Variants in RIMS1 observed in about 807,000 individuals in gnomAD.
RIMS1 encodes the protein regulating synaptic membrane exocytosis protein 1.
RIMS1 carries 83 observed loss-of-function variants against 214.1 expected under a neutral mutation model. The ratio of observed to expected loss-of-function variants is 0.39; its 90% CI spans 0.32 to 0.47. RIMS1 has a LOEUF of 0.47. Ranked by LOEUF, RIMS1 falls within the 20% of genes least tolerant of loss-of-function variation. The pLI, the probability that RIMS1 is intolerant of heterozygous loss-of-function variation, is 0.99. For synonymous variants in RIMS1, 793 were observed against 786.8 expected, an observed-to-expected ratio of 1.01 and a Z score of -0.13; for missense variants, 2,050 against 2,161.8, an observed-to-expected ratio of 0.95 and a Z score of 1.03.
At chr6:71,995,602 T>C (rs1413770957) in intron 2 of RIMS1, among the ~76,000 whole-genome samples, 1 of 152,014 alleles carries the variant, frequency 6.6e-6, no homozygotes, top group East Asian at 1.9e-4. Flanking sequence ...CAAAAGCTCA[T>C]AGACTCAGTG....
At chr6:72,052,152 G>T (rs1359975487) in intron 2 of RIMS1, among the ~76,000 whole-genome samples, 1 of 152,216 alleles carries the variant, frequency 6.6e-6, no homozygotes, top group East Asian at 1.9e-4. Flanking sequence ...TTTCTCAAAT[G>T]AAATGTTGAT....
intron 9 of RIMS1, among the ~76,000 whole-genome samples, chr6:72,239,629 A>T (rs934231262): frequency 3.9e-5 from 6 of 152,202 alleles, no homozygotes; most frequent in African/African-American, 1.2e-4. Context: ...TAATCTTGCA[A>T]TATCTTTATC....
chr6:72,125,723 A>G (rs2039377562), intron 4 of RIMS1, among the ~76,000 whole-genome samples: 1 of 152,100 alleles, frequency 6.6e-6, no homozygotes, highest in Admixed American at 6.6e-5. Flanking sequence ...CCAGGCTGCC[A>G]CCTCGCAGTT....
rs985999168 is a variant in RIMS1, at chr6:72,262,991, G to T, written c.3117-1984G>T. The T allele has an allele frequency of 6.4e-6, 4 of 624,012 alleles. No homozygotes were observed. In the South Asian group the frequency reaches 2.2e-4, roughly 34 times the overall value. 38.7% of individuals were successfully genotyped at this position (624,012 alleles called of 1,614,324 possible). A position where few individuals can be genotyped will look rare whatever the true frequency, so the allele number is the denominator to read the frequency against. Reference sequence around the variant, plus strand: ...TTATTATCCTGATTTTAGAGATGAGGAAAAAAGCTACGAAAGTTTATTTTA... The same window carrying T: ...TTATTATCCTGATTTTAGAGATGAGTAAAAAAGCTACGAAAGTTTATTTTA... On this transcript the variant is annotated intron_variant, in intron 19 of 33. Transcript: ENST00000521978.
chr6:72,277,704 TGTA>T (rs1171241587), intron 23 of RIMS1, among the ~76,000 whole-genome samples: 1 of 152,162 alleles, frequency 6.6e-6, no homozygotes, highest in Non-Finnish European at 1.5e-5. Context: ...AAAATTTCCT[TGTA>T]GTTTTATTTC....
Position 71,886,909 on chromosome 6 carries a change from CCTG to C in RIMS1, c.-113_-111del. On this transcript the variant is annotated 5_prime_UTR_variant, in exon 1 of 34. Coordinates refer to ENST00000521978, the MANE Select transcript of RIMS1 (RefSeq NM_014989.7). ...TGCCGCCGCCGCCGCTGCTCCTCCT[CCTG>C]CCGCCGCCGCTAGGGCTCCGCTGTG... 1 of 1,267,442 alleles carries C rather than the reference CCTG, an allele frequency of 7.9e-7. No individual in the cohort carries two copies. The highest frequency in any genetic ancestry group is 1.1e-6 in the Non-Finnish European group (1 of 912,382). 78.5% of individuals were successfully genotyped at this position (1,267,442 alleles called of 1,614,324 possible).
At chr6:71,932,061 C>G (rs1783202134) in intron 1 of RIMS1, among the ~76,000 whole-genome samples, 1 of 152,086 alleles carries the variant, frequency 6.6e-6, no homozygotes, top group African/African-American at 2.4e-5. Flanking sequence ...TTGTGGAAGA[C>G]AGAGTGGCAA....
At chr6:72,326,238 G>C (rs1332161895) in intron 28 of RIMS1, among the ~76,000 whole-genome samples, 1 of 151,672 alleles carries the variant, frequency 6.6e-6, no homozygotes, top group Admixed American at 6.6e-5. Context: ...ATGAAGAGTG[G>C]GAACTATCCT....
chr6:72,329,938 G>A (rs2096603791), intron 28 of RIMS1, among the ~76,000 whole-genome samples: 1 of 151,756 alleles, frequency 6.6e-6, no homozygotes, highest in Non-Finnish European at 1.5e-5. Flanking sequence ...GTCCAGGGCT[G>A]AGTACAAGGT....
At chr6:72,355,170 A>G (rs1210919170) in intron 29 of RIMS1, among the ~76,000 whole-genome samples, 1 of 152,192 alleles carries the variant, frequency 6.6e-6, no homozygotes, top group East Asian at 1.9e-4. Context: ...AAATGAAAAT[A>G]CGGGTTAAAG....
chr6:72,240,007 C>T (rs2066030147), intron 9 of RIMS1, among the ~76,000 whole-genome samples: 1 of 152,128 alleles, frequency 6.6e-6, no homozygotes, highest in East Asian at 1.9e-4. Flanking sequence ...CTACTATGTC[C>T]CTGGCACCAC....
intron 1 of RIMS1, among the ~76,000 whole-genome samples, chr6:71,934,740 A>G (rs944889052): frequency 6.6e-6 from 1 of 152,236 alleles, no homozygotes; most frequent in Non-Finnish European, 1.5e-5. Context: ...TCAGTCTCCT[A>G]GGAATAACTC....
chr6:72,174,658 T>C (rs1299202463), intron 4 of RIMS1, among the ~76,000 whole-genome samples: 1 of 152,166 alleles, frequency 6.6e-6, no homozygotes, highest in Non-Finnish European at 1.5e-5. Context: ...TTTGCAGATA[T>C]TAAAATGCTT....
rs534814678 is a variant in RIMS1, at chr6:71,994,931, C to A, written c.245+25868C>A. On this transcript the variant is annotated intron_variant, in intron 2 of 33. Coordinates refer to ENST00000521978, the MANE Select transcript of RIMS1 (RefSeq NM_014989.7). The stretch of plus-strand genomic sequence containing the variant: ...TTGCTTTTGCATCTCAAAGCCAACT[C>A]TTTTGTTCTAGTCTTCAGCAAAGAA... Among the ~76,000 whole-genome samples the A allele has an allele frequency of 7.2e-5, 11 of 152,312 alleles. 1 individual carries two copies. The East Asian group carries it at 2.1e-3, about 29-fold the overall frequency.
chr6:72,024,912 T>G (rs940382366), intron 2 of RIMS1, among the ~76,000 whole-genome samples: 1 of 143,396 alleles, frequency 7.0e-6, no homozygotes. Flanking sequence ...TTTTTTTTTT[T>G]TTTTTTTTTT....
intron 24 of RIMS1, among the ~76,000 whole-genome samples, chr6:72,288,245 AAAATT>A (rs1171845562): frequency 1.3e-5 from 2 of 152,176 alleles, no homozygotes; most frequent in Non-Finnish European, 2.9e-5. Context: ...TAAAATAAAT[AAAATT>A]AAATAAAATA....
At chr6:72,340,968 G>T (rs2097062863) in intron 29 of RIMS1, among the ~76,000 whole-genome samples, 1 of 151,970 alleles carries the variant, frequency 6.6e-6, no homozygotes, top group Non-Finnish European at 1.5e-5. Context: ...TTGAGCAGTG[G>T]TTTGTAGTTC....
At chr6:71,984,477 T>C (rs201034062) in intron 2 of RIMS1, among the ~76,000 whole-genome samples, 5,996 of 152,218 alleles carry the variant, frequency 0.039, 245 homozygotes, top group East Asian at 0.16. Flanking sequence ...GTTACTAAAA[T>C]TTTTTATCTG....
chr6:72,174,322 G>A (rs1356481474), intron 4 of RIMS1, among the ~76,000 whole-genome samples: 2 of 152,092 alleles, frequency 1.3e-5, no homozygotes, highest in Non-Finnish European at 2.9e-5. Flanking sequence ...TAGGGTTTGG[G>A]GGCATTATTA....
Sources: allele counts gnomAD v4.1 joint callset (sites outside exome capture counted in the v4.1 genomes callset), GRCh38; gene constraint gnomAD v4.1.1; transcripts MANE v1.5; gene names NCBI Gene and HGNC (gene_info 2026-07-23, HGNC 2026-07-21).